Variants in SNX8 observed in about 807,000 individuals in gnomAD.
SNX8 encodes sorting nexin-8.
SNX8 carries 25 observed loss-of-function variants against 51.6 expected under a neutral mutation model. The observed-to-expected ratio is 0.48, with a 90% CI of 0.35 to 0.68. SNX8 has a LOEUF of 0.68. Ranked by LOEUF, SNX8 falls within the 30% of genes least tolerant of loss-of-function variation. SNX8 has a pLI of 0.00. For missense variants in SNX8, 695 were observed against 624.0 expected, an observed-to-expected ratio of 1.11 and a Z score of -1.21; for synonymous variants, 324 against 277.0, an observed-to-expected ratio of 1.17 and a Z score of -1.68.
chr7:2,263,380 C>T lies in SNX8; in HGVS notation c.783-18G>A. ...CTATTGCACTGAGGGAGCAAGCACA[C>T]AGGAGAGGAGACACTCAAGGCCTGG... On this transcript the variant is annotated intron_variant, in intron 6 of 10. Transcript: ENST00000222990. 2 of 1,575,182 alleles carry T rather than the reference C, an allele frequency of 1.3e-6. No homozygotes were observed. Among genetic ancestry groups the T allele is most frequent in the Non-Finnish European group, 1.7e-6 (2 of 1,159,920 alleles).
intron 1 of SNX8, chr7:2,310,005 G>A: frequency 2.6e-6 from 1 of 391,146 alleles, no homozygotes; most frequent in Non-Finnish European, 5.2e-6. Flanking sequence ...GAACCGAATG[G>A]AATGTATGGA....
chr7:2,292,839 G>T (rs191041590), intron 1 of SNX8, among the ~76,000 whole-genome samples: 195 of 152,104 alleles, frequency 1.3e-3, no homozygotes, highest in Middle Eastern at 6.8e-3. Flanking sequence ...GGGCAACGCG[G>T]CAAGATCCTG....
At chr7:2,322,655 C>A (rs1232925838) in intron 1 of SNX8, among the ~76,000 whole-genome samples, 1 of 151,964 alleles carries the variant, frequency 6.6e-6, no homozygotes, top group Non-Finnish European at 1.5e-5. Flanking sequence ...AATCGCGCCA[C>A]TGCACTCCAG....
intron 10 of SNX8, 84 bp downstream of exon 10, chr7:2,256,790 C>G: frequency 6.9e-7 from 1 of 1,443,400 alleles, no homozygotes. Flanking sequence ...GGCGGCCGGC[C>G]ACCGCGCTGC....
chr7:2,275,238 G>A lies in SNX8; in HGVS notation c.301-9C>T. The A allele has an allele frequency of 1.9e-6, 3 of 1,589,050 alleles. No homozygotes were observed. The South Asian group carries it at 3.3e-5, about 18-fold the overall frequency. On this transcript the variant is annotated splice_polypyrimidine_tract_variant and intron_variant, in intron 2 of 10. Transcript: ENST00000222990. ...ACCGAGGACTTGAAGCGCTGCAAGAGAAGGGTCGGTGCTTAGATCCGACGT... is the reference window on the plus strand; with the variant it reads ...ACCGAGGACTTGAAGCGCTGCAAGAAAAGGGTCGGTGCTTAGATCCGACGT...
At chr7:2,272,100 G>T in intron 3 of SNX8, 129 bp from the exon 4 acceptor site, 1 of 1,283,614 alleles carries the variant, frequency 7.8e-7, no homozygotes, top group Non-Finnish European at 1.1e-6. Context: ...GCACTGGCTG[G>T]GCCCCCAGTG....
At chr7:2,328,912 C>T (rs1396826318) in intron 1 of SNX8, among the ~76,000 whole-genome samples, 4 of 151,720 alleles carry the variant, frequency 2.6e-5, no homozygotes, top group Non-Finnish European at 5.9e-5. Context: ...GGTGAAACCC[C>T]GTCTCTACTA....
At chr7:2,354,103 G>C (rs754312976) in intron 1 of SNX8, 5 of 152,406 alleles carry the variant, frequency 3.3e-5, no homozygotes, top group Non-Finnish European at 7.3e-5. Context: ...GCGCTGTCCC[G>C]CGCTGAAGGC....
intron 5 of SNX8, among the ~76,000 whole-genome samples, chr7:2,267,999 C>A (rs1795517267): frequency 6.7e-6 from 1 of 148,236 alleles, no homozygotes. Flanking sequence ...CTCTGCCCGG[C>A]CGAGACCCCG....
chr7:2,338,587 T>C (rs1003959763), intron 1 of SNX8, among the ~76,000 whole-genome samples: 1 of 151,998 alleles, frequency 6.6e-6, no homozygotes, highest in African/African-American at 2.4e-5. Flanking sequence ...TGACCCGAGA[T>C]TGCACCTCTG....
chr7:2,323,235 C>A (rs548351485), intron 1 of SNX8, among the ~76,000 whole-genome samples: 1 of 145,692 alleles, frequency 6.9e-6, no homozygotes, highest in African/African-American at 2.5e-5. Context: ...GAAGCTGAGG[C>A]ATGAAAATCG....
chr7:2,344,768 A>G (rs1423323352), intron 1 of SNX8, among the ~76,000 whole-genome samples: 2 of 150,966 alleles, frequency 1.3e-5, no homozygotes, highest in Non-Finnish European at 3.0e-5. Flanking sequence ...CAACAACACG[A>G]AAATTAGCCA....
chr7:2,322,156 G>C (rs1340170660), intron 1 of SNX8, among the ~76,000 whole-genome samples: 1 of 152,190 alleles, frequency 6.6e-6, no homozygotes, highest in Non-Finnish European at 1.5e-5. Context: ...CAAATGGACA[G>C]AACTTAGCAT....
intron 8 of SNX8, 51 bp from the exon 9 acceptor site, chr7:2,257,565 G>A (rs1378787511): frequency 1.3e-6 from 2 of 1,591,656 alleles, no homozygotes; most frequent in East Asian, 2.2e-5. Flanking sequence ...CTGCGCCAGG[G>A]CCCTGCGGAG....
At chr7:2,352,262 C>G (rs1014252679) in intron 1 of SNX8, among the ~76,000 whole-genome samples, 1 of 152,090 alleles carries the variant, frequency 6.6e-6, no homozygotes, top group Non-Finnish European at 1.5e-5. Flanking sequence ...AGGGTCCACT[C>G]TCGTCCACTT....
chr7:2,277,048 C>T (rs954358443), intron 2 of SNX8, among the ~76,000 whole-genome samples: 10 of 152,268 alleles, frequency 6.6e-5, no homozygotes, highest in African/African-American at 2.4e-4. Flanking sequence ...GGGGCTGGGC[C>T]AGGGCCGCCC....
chr7:2,257,847 C>T, intron 7 of SNX8, 44 bp from the exon 8 acceptor site: 1 of 1,579,226 alleles, frequency 6.3e-7, no homozygotes, highest in Non-Finnish European at 8.7e-7. Flanking sequence ...GCACATAGGA[C>T]CCGGTCCCTG....
At chr7:2,272,782 G>A (rs1015191318) in intron 3 of SNX8, among the ~76,000 whole-genome samples, 7 of 152,152 alleles carry the variant, frequency 4.6e-5, no homozygotes, top group Admixed American at 4.6e-4. Flanking sequence ...AAAAGTAAAA[G>A]CATATACTGA....
chr7:2,315,051 T>C (rs1796731662), upstream of SNX8, among the ~76,000 whole-genome samples: 1 of 150,090 alleles, frequency 6.7e-6, no homozygotes, highest in South Asian at 2.1e-4. Flanking sequence ...CACTGCATCC[T>C]GCATTCATTC....
Sources: allele counts gnomAD v4.1 joint callset (sites outside exome capture counted in the v4.1 genomes callset), GRCh38; gene constraint gnomAD v4.1.1; transcripts MANE v1.5; gene names NCBI Gene and HGNC (gene_info 2026-07-23, HGNC 2026-07-21).